WDR44: variants seen among roughly 807,000 people sequenced by gnomAD.
WDR44 encodes the protein WD repeat-containing protein 44.
Under a neutral mutation model 65.7 loss-of-function variants are expected in WDR44, and 9 were observed. The ratio of observed to expected loss-of-function variants is 0.14; its 90% confidence interval spans 0.08 to 0.24. The LOEUF is 0.24. WDR44 is among the 10% of genes least tolerant of loss of function. The pLI is 1.00. For synonymous variants in WDR44, 220 were observed against 235.2 expected, an observed-to-expected ratio of 0.94 and a Z score of 0.59; for missense variants, 425 against 670.9, an observed-to-expected ratio of 0.63 and a Z score of 4.05.
intron 14 of WDR44, among the ~76,000 whole-genome samples, chrX:118,438,683 G>A (rs2057275140): frequency 1.8e-5 from 2 of 109,818 alleles, no homozygotes; most frequent in African/African-American, 6.6e-5. Flanking sequence ...GGCTCAAAGC[G>A]ATCTGCCCAC....
intron 13 of WDR44, 103 bp downstream of exon 13, chrX:118,432,997 C>G: frequency 1.5e-6 from 1 of 683,966 alleles, no homozygotes; most frequent in Non-Finnish European, 2.2e-6. Context: ...AGTTTTTTGT[C>G]TTAAGGCCTT....
intron 1 of WDR44, among the ~76,000 whole-genome samples, chrX:118,364,686 A>C (rs181504305): frequency 8.9e-6 from 1 of 112,210 alleles, no homozygotes; most frequent in Admixed American, 9.4e-5. Flanking sequence ...CTGAGGTTTA[A>C]AGAGATTGTG....
At position 118,393,010 on chromosome X, in the gene WDR44, G is replaced by A. The variant is rs769919250; in HGVS notation, c.565G>A (p.Val189Ile). ...EAVEVKGGGD[V>I]LEPVSSDSLS... Reference sequence around the variant, plus strand: ...AGTGGAAGTCAAAGGAGGTGGTGATGTTTTAGAGCCTGTGTCCTCAGACTC... The same window carrying A: ...AGTGGAAGTCAAAGGAGGTGGTGATATTTTAGAGCCTGTGTCCTCAGACTC... Residue 189 changes from valine (V) to isoleucine (I), a missense_variant, in exon 4 of 20, where the codon GTT (valine) becomes ATT (isoleucine). Transcript: ENST00000254029. The A allele has an allele frequency of 8.2e-7, 1 of 1,212,150 alleles. No homozygotes were observed. The highest frequency in any genetic ancestry group is 1.1e-6 in the Non-Finnish European group (1 of 895,642).
At chrX:118,428,486 A>T (rs1274157171) in intron 12 of WDR44, among the ~76,000 whole-genome samples, 5 of 111,258 alleles carry the variant, frequency 4.5e-5, no homozygotes, top group Non-Finnish European at 9.4e-5. Context: ...ATGCTAAATT[A>T]TTAATAATAT....
At chrX:118,371,089 A>G (rs1288252723) in intron 1 of WDR44, among the ~76,000 whole-genome samples, 1 of 111,924 alleles carries the variant, frequency 8.9e-6, no homozygotes, top group Non-Finnish European at 1.9e-5. Context: ...ACATACAGAC[A>G]GATGGCCAAC....
At chrX:118,363,932 T>G (rs1013280927) in intron 1 of WDR44, among the ~76,000 whole-genome samples, 2 of 112,269 alleles carry the variant, frequency 1.8e-5, no homozygotes, top group African/African-American at 6.5e-5. Context: ...AAAATTTCAT[T>G]TTTATTACTT....
At chrX:118,349,643 C>T (rs747581878) in intron 1 of WDR44, among the ~76,000 whole-genome samples, 3 of 109,865 alleles carry the variant, frequency 2.7e-5, no homozygotes, top group Admixed American at 1.9e-4. Flanking sequence ...CTGCAACCTT[C>T]GCCTCCCGGG....
At position 118,429,039 on chromosome X, in the gene WDR44, G is replaced by A. The variant is rs184505770; in HGVS notation, c.1738-3742G>A. On this transcript the variant is annotated intron_variant, in intron 12 of 19. Transcript: ENST00000254029. ...GACACAGGGAGGGGAACAACACACAGTGGGGCCTGTCAGGGGGATGGGAGG... is the reference window on the plus strand; with the variant it reads ...GACACAGGGAGGGGAACAACACACAATGGGGCCTGTCAGGGGGATGGGAGG... 1.6e-4 allele frequency among the ~76,000 whole-genome samples: 18 copies of A among 110,339 alleles called. No homozygotes were observed. The East Asian group carries it at 5.2e-3, about 32-fold the overall frequency.
chrX:118,346,576 G>T lies in WDR44; in HGVS notation c.73G>T (p.Val25Leu), dbSNP rs187698818. 5 of 1,182,201 alleles carry T rather than the reference G, an allele frequency of 4.2e-6. No homozygotes were observed. The highest frequency in any genetic ancestry group is 5.7e-6 in the Non-Finnish European group (5 of 878,788). Residue 25 changes from valine to leucine, a missense_variant, in exon 1 of 20, where the codon GTG becomes TTG. Coordinates refer to ENST00000254029, the MANE Select transcript of WDR44 (RefSeq NM_019045.5). ...TGTGCACCTAGGGGGCGGCTACCCC[G>T]TGGGGTAAGTGACTGCAGCTATGAC... ...EDVHLGGGYPVGSPGKVGLST... is the reference protein window; with the variant it reads ...EDVHLGGGYPLGSPGKVGLST...
intron 1 of WDR44, among the ~76,000 whole-genome samples, chrX:118,376,095 G>C (rs768673992): frequency 1.3e-4 from 14 of 110,846 alleles, no homozygotes; most frequent in Non-Finnish European, 2.5e-4. Context: ...GCAACCCCAT[G>C]CCTGGCTGGT....
chrX:118,374,719 C>T (rs2056642393), intron 1 of WDR44, among the ~76,000 whole-genome samples: 2 of 111,652 alleles, frequency 1.8e-5, no homozygotes, highest in Admixed American at 9.6e-5. Context: ...CTCCCCACTA[C>T]TGACAGACTG....
intron 1 of WDR44, among the ~76,000 whole-genome samples, chrX:118,352,315 A>AATTTTTAT (rs1406347995): frequency 1.5e-4 from 7 of 46,231 alleles, no homozygotes; most frequent in African/African-American, 8.0e-4. Flanking sequence ...ACGCCCAGCT[A>AATTTTTAT]ATTTATATAT....
At chrX:118,404,276 T>C (rs1166401364) in intron 8 of WDR44, 62 bp from the exon 9 acceptor site, 6 of 843,898 alleles carry the variant, frequency 7.1e-6, no homozygotes, top group Non-Finnish European at 7.0e-6. Context: ...CTGATACATT[T>C]GTCTGCAAAT....
chrX:118,402,011 TGTTTTTTTG>T (rs994277576), intron 8 of WDR44, among the ~76,000 whole-genome samples: 2 of 106,499 alleles, frequency 1.9e-5, no homozygotes, highest in Non-Finnish European at 3.9e-5. Flanking sequence ...TTGTTTTTTT[TGTTTTTTTG>T]GTTTTTTTTT....
intron 12 of WDR44, among the ~76,000 whole-genome samples, chrX:118,414,191 G>GT (rs1418883233): frequency 1.0e-5 from 1 of 97,458 alleles, no homozygotes; most frequent in Non-Finnish European, 2.0e-5. Context: ...TTTTAGAATT[G>GT]TTTTTTCTAA....
At chrX:118,414,236 A>G (rs1392470417) in intron 12 of WDR44, among the ~76,000 whole-genome samples, 1 of 73,690 alleles carries the variant, frequency 1.4e-5, no homozygotes. Flanking sequence ...TTTGATGGGG[A>G]TTGCGTTGAA....
At chrX:118,437,386 T>C (rs1411412452) in intron 14 of WDR44, among the ~76,000 whole-genome samples, 2 of 111,873 alleles carry the variant, frequency 1.8e-5, no homozygotes, top group African/African-American at 6.5e-5. Flanking sequence ...GCAGACCTAT[T>C]GTATGCCCTT....
chrX:118,420,346 G>A (rs965868080), intron 12 of WDR44, among the ~76,000 whole-genome samples: 3 of 110,319 alleles, frequency 2.7e-5, no homozygotes, highest in African/African-American at 6.6e-5. Flanking sequence ...TGCGCCTCCC[G>A]GGTTCAAGGG....
At chrX:118,436,434 TG>T (rs2057255420) in intron 13 of WDR44, 3 of 364,723 alleles carry the variant, frequency 8.2e-6, no homozygotes, top group Non-Finnish European at 1.0e-5. Flanking sequence ...TGCTGGTGCC[TG>T]GCAGATTTCT....
Sources: allele counts gnomAD v4.1 joint callset (sites outside exome capture counted in the v4.1 genomes callset), GRCh38; gene constraint gnomAD v4.1.1; transcripts MANE v1.5; gene names NCBI Gene and HGNC (gene_info 2026-07-23, HGNC 2026-07-21).